The following THSD7B variants were observed in gnomAD, a reference collection of about 807,000 sequenced individuals.
THSD7B encodes thrombospondin type-1 domain-containing protein 7B.
A neutral mutation model predicts 213.6 loss-of-function variants in THSD7B; 138 were observed. That is an observed-to-expected ratio of 0.65 (90% CI 0.56 to 0.74). The LOEUF is 0.74. Among genes scored for constraint, THSD7B ranks in the 30% least tolerant of loss-of-function variants. The pLI, the probability that THSD7B is intolerant of heterozygous loss-of-function variation, is 0.00. For missense variants in THSD7B, 1,931 were observed against 1,991.5 expected, an observed-to-expected ratio of 0.97 and a Z score of 0.58; for synonymous variants, 742 against 687.0, an observed-to-expected ratio of 1.08 and a Z score of -1.25.
intron 2 of THSD7B, among the ~76,000 whole-genome samples, chr2:136,978,377 C>G (rs945378379): frequency 6.6e-6 from 1 of 152,136 alleles, no homozygotes. Flanking sequence ...CTGTCTAATA[C>G]TGACAGTAGG....
At chr2:137,506,509 C>T (rs1038127014) in intron 15 of THSD7B, among the ~76,000 whole-genome samples, 3 of 152,210 alleles carry the variant, frequency 2.0e-5, no homozygotes, top group Admixed American at 2.0e-4. Flanking sequence ...CTGAACCTAC[C>T]TGCCTGTGAT....
chr2:137,451,033 A>G lies in THSD7B; in HGVS notation c.3138+10A>G, dbSNP rs140999113. The G allele has an allele frequency of 1.3e-4, 199 of 1,552,288 alleles. No homozygotes were observed. The African/African-American group carries it at 2.2e-3, about 18-fold the overall frequency. On this transcript the variant is annotated intron_variant, in intron 15 of 27. Transcript: ENST00000409968. The stretch of plus-strand genomic sequence containing the variant: ...GGATCTCAAGAATCAGGTAAAGTGC[A>G]TGAAGCAACAAATAAAAAGCTAAAA...
intron 17 of THSD7B, among the ~76,000 whole-genome samples, chr2:137,581,444 C>T (rs1681572906): frequency 6.6e-6 from 1 of 151,882 alleles, no homozygotes; most frequent in Non-Finnish European, 1.5e-5. Context: ...AAAAATTAGC[C>T]CAGCGTGGTG....
intron 1 of THSD7B, among the ~76,000 whole-genome samples, chr2:136,769,057 A>G (rs1681459445): frequency 6.6e-6 from 1 of 152,176 alleles, no homozygotes; most frequent in Non-Finnish European, 1.5e-5. Context: ...CAAGATGATA[A>G]GCATTCTATT....
chr2:137,651,506 A>G (rs1169186832), intron 21 of THSD7B, among the ~76,000 whole-genome samples: 1 of 151,584 alleles, frequency 6.6e-6, no homozygotes, highest in Non-Finnish European at 1.5e-5. Context: ...TATTTTTTTA[A>G]AAAAAACAAA....
At chr2:137,060,526 T>G (rs1687252068) in intron 3 of THSD7B, among the ~76,000 whole-genome samples, 1 of 151,918 alleles carries the variant, frequency 6.6e-6, no homozygotes, top group South Asian at 2.1e-4. Context: ...ATTTTGAGGT[T>G]TTTTGGTGAA....
intron 7 of THSD7B, among the ~76,000 whole-genome samples, chr2:137,223,160 T>A (rs1447405940): frequency 6.6e-6 from 1 of 152,164 alleles, no homozygotes; most frequent in Non-Finnish European, 1.5e-5. Flanking sequence ...GTGGAAATGT[T>A]GACTGCTCCA....
At chr2:137,101,484 G>T (rs921822046) in intron 4 of THSD7B, among the ~76,000 whole-genome samples, 7 of 152,180 alleles carry the variant, frequency 4.6e-5, no homozygotes, top group Admixed American at 4.6e-4. Context: ...TAGAAGTAGA[G>T]CTAGCAGGAG....
At chr2:137,225,566 G>A (rs1681477578) in intron 7 of THSD7B, among the ~76,000 whole-genome samples, 1 of 152,152 alleles carries the variant, frequency 6.6e-6, no homozygotes, top group African/African-American at 2.4e-5. Flanking sequence ...AAAAAACTTT[G>A]AGAAAGTTTT....
chr2:137,294,583 C>CAAAAAAAAAAAAAAA (rs1210363889), intron 12 of THSD7B, among the ~76,000 whole-genome samples: 14 of 73,216 alleles, frequency 1.9e-4, no homozygotes, highest in Admixed American at 6.0e-4. Context: ...AACTCCATCT[C>CAAAAAAAAAAAAAAA]AAAAAAAAAA....
At chr2:136,841,495 G>A (rs1682919733) in intron 1 of THSD7B, among the ~76,000 whole-genome samples, 1 of 150,900 alleles carries the variant, frequency 6.6e-6, no homozygotes, top group Admixed American at 6.6e-5. Context: ...TACTCGGGAG[G>A]GTGAGGCAGG....
intron 2 of THSD7B, among the ~76,000 whole-genome samples, chr2:137,048,696 A>G (rs778966594): frequency 2.3e-4 from 35 of 152,340 alleles, no homozygotes; most frequent in Non-Finnish European, 3.5e-4. Flanking sequence ...CCTCTAGTAG[A>G]CAACATAAAA....
At chr2:136,798,232 G>T (rs1376479752) in intron 1 of THSD7B, among the ~76,000 whole-genome samples, 4 of 151,702 alleles carry the variant, frequency 2.6e-5, no homozygotes, top group African/African-American at 7.3e-5. Context: ...CTCAAATCTT[G>T]CATGTTAGCA....
At chr2:137,449,959 C>T (rs188509896) in intron 14 of THSD7B, among the ~76,000 whole-genome samples, 1 of 151,940 alleles carries the variant, frequency 6.6e-6, no homozygotes, top group African/African-American at 2.4e-5. Context: ...ATTATACAGG[C>T]ATGTACAACA....
chr2:137,240,102 G>A (rs765906000), intron 9 of THSD7B, among the ~76,000 whole-genome samples: 12 of 152,020 alleles, frequency 7.9e-5, no homozygotes, highest in Non-Finnish European at 1.5e-4. Flanking sequence ...ATTTTGGGAG[G>A]GACACAAACA....
At chr2:137,084,584 G>A (rs1687803886) in intron 3 of THSD7B, among the ~76,000 whole-genome samples, 1 of 152,074 alleles carries the variant, frequency 6.6e-6, no homozygotes, top group South Asian at 2.1e-4. Flanking sequence ...TTGTAGGCAG[G>A]AGCAACCTAA....
At chr2:137,602,582 C>A (rs1290811106) in intron 17 of THSD7B, among the ~76,000 whole-genome samples, 1 of 152,076 alleles carries the variant, frequency 6.6e-6, no homozygotes, top group Admixed American at 6.6e-5. Context: ...AAAGACATTT[C>A]TTACAGTCTG....
chr2:137,636,896 C>T (rs1024386667), intron 20 of THSD7B, among the ~76,000 whole-genome samples: 4 of 152,162 alleles, frequency 2.6e-5, no homozygotes, highest in Non-Finnish European at 5.9e-5. Context: ...CTATGCTGCC[C>T]AGGCTGGTCT....
intron 5 of THSD7B, among the ~76,000 whole-genome samples, chr2:137,144,977 G>A (rs1297744991): frequency 6.6e-6 from 1 of 151,932 alleles, no homozygotes; most frequent in African/African-American, 2.4e-5. Context: ...TGTAAAAGTA[G>A]GATATTATTA....
Sources: allele counts gnomAD v4.1 joint callset (sites outside exome capture counted in the v4.1 genomes callset), GRCh38; gene constraint gnomAD v4.1.1; transcripts MANE v1.5; gene names NCBI Gene and HGNC (gene_info 2026-07-23, HGNC 2026-07-21).